Variants in FRMD4A observed in about 807,000 individuals in gnomAD.
FRMD4A encodes the protein FERM domain containing 4A.
FRMD4A carries 29 observed loss-of-function variants against 129.1 expected under a neutral mutation model. The ratio of observed to expected loss-of-function variants is 0.22; its 90% CI spans 0.17 to 0.31. The LOEUF is 0.31. Ranked by LOEUF, FRMD4A falls within the 10% of genes least tolerant of loss-of-function variation. The probability of loss-of-function intolerance (pLI) is 1.00; values close to 1 mark genes in which losing one functional copy is unlikely to be tolerated. For synonymous variants in FRMD4A, 634 were observed against 571.6 expected, an observed-to-expected ratio of 1.11 and a Z score of -1.56; for missense variants, 1,272 against 1,375.8, an observed-to-expected ratio of 0.92 and a Z score of 1.19.
At chr10:14,052,091 G>A (rs1834288467) in intron 2 of FRMD4A, among the ~76,000 whole-genome samples, 1 of 152,148 alleles carries the variant, frequency 6.6e-6, no homozygotes, top group African/African-American at 2.4e-5. Flanking sequence ...ATGGAAGCAG[G>A]GATGGCAGTG....
At position 13,654,366 on chromosome 10, in the gene FRMD4A, A is replaced by G. The variant is rs767348451; in HGVS notation, c.3050+50T>C. The stretch of plus-strand genomic sequence containing the variant: ...TTATGTCACCAGGATCTGAACGTCT[A>G]TGACACTCTTTCGAGCTGACACAGT... On this transcript the variant is annotated intron_variant, in intron 23 of 24. Coordinates refer to ENST00000357447, the MANE Select transcript of FRMD4A (RefSeq NM_018027.5). The G allele has an allele frequency of 1.7e-5, 20 of 1,157,548 alleles. No individual in the cohort carries two copies. In the South Asian group the frequency reaches 2.2e-4, roughly 13 times the overall value. 71.7% of individuals were successfully genotyped at this position (1,157,548 alleles called of 1,614,324 possible).
At chr10:13,679,919 AG>A (rs2084389218) in intron 15 of FRMD4A, among the ~76,000 whole-genome samples, 1 of 152,144 alleles carries the variant, frequency 6.6e-6, no homozygotes, top group East Asian at 1.9e-4. Context: ...GCGTCAGGAG[AG>A]GGAGCCCAAA....
chr10:14,168,894 T>G (rs1841329870), intron 2 of FRMD4A, among the ~76,000 whole-genome samples: 1 of 152,158 alleles, frequency 6.6e-6, no homozygotes. Context: ...TCACATTTCC[T>G]TTTCATTAAC....
At chr10:14,239,652 C>CAAAAAA (rs529527490) in intron 2 of FRMD4A, among the ~76,000 whole-genome samples, 2 of 149,882 alleles carry the variant, frequency 1.3e-5, no homozygotes, top group Non-Finnish European at 3.0e-5. Flanking sequence ...AACAAACAAA[C>CAAAAAA]AAAAAAAAAC....
chr10:14,266,489 ATGT>A (rs1263834545), intron 2 of FRMD4A, among the ~76,000 whole-genome samples: 3 of 133,600 alleles, frequency 2.2e-5, no homozygotes, highest in Admixed American at 1.6e-4. Flanking sequence ...TCCCTAGTAG[ATGT>A]TGTGCTCTGT....
intron 2 of FRMD4A, among the ~76,000 whole-genome samples, chr10:14,117,144 A>C (rs1384065737): frequency 2.0e-5 from 3 of 152,184 alleles, no homozygotes; most frequent in African/African-American, 7.2e-5. Flanking sequence ...TCCCCTACTA[A>C]AATCCTTGCA....
intron 13 of FRMD4A, among the ~76,000 whole-genome samples, chr10:13,703,473 G>A (rs1408123326): frequency 2.0e-5 from 3 of 152,138 alleles, no homozygotes; most frequent in East Asian, 1.9e-4. Context: ...TGAGCCCATC[G>A]GCCCAGAAAG....
At chr10:14,265,354 T>C (rs1844942290) in intron 2 of FRMD4A, among the ~76,000 whole-genome samples, 1 of 152,254 alleles carries the variant, frequency 6.6e-6, no homozygotes, top group Non-Finnish European at 1.5e-5. Context: ...TCCTTGGCTA[T>C]GTCTCTAGGA....
At chr10:14,127,061 G>T (rs1838883745) in intron 2 of FRMD4A, among the ~76,000 whole-genome samples, 2 of 152,172 alleles carry the variant, frequency 1.3e-5, no homozygotes, top group Admixed American at 1.3e-4. Flanking sequence ...GCAGCATCAT[G>T]TAATAAGGGA....
Position 14,123,244 on chromosome 10 carries a change from G to A in FRMD4A, c.45+206814C>T, listed in dbSNP as rs987153429. Among the ~76,000 whole-genome samples, 4 of 152,112 alleles carry A rather than the reference G, an allele frequency of 2.6e-5. No individual in the cohort carries two copies. The South Asian group carries it at 6.3e-4, about 24-fold the overall frequency. The stretch of plus-strand genomic sequence containing the variant: ...AACATTTCTTGTATATTGAGAGGCC[G>A]CGAGTTTGAGCCACTCCTGTTAGTT... On this transcript the variant is annotated intron_variant, in intron 2 of 24. Transcript: ENST00000357447.
At chr10:13,874,205 G>C (rs7907421) in intron 2 of FRMD4A, among the ~76,000 whole-genome samples, 145,169 of 145,386 alleles carry the variant, frequency 1, 72,478 homozygotes, top group Middle Eastern at 1. Context: ...GAGATTGCAC[G>C]ACTGCACTCC....
chr10:14,142,493 C>G (rs915338687), intron 2 of FRMD4A, among the ~76,000 whole-genome samples: 2 of 152,222 alleles, frequency 1.3e-5, no homozygotes, highest in African/African-American at 2.4e-5. Context: ...AAGCACTGAG[C>G]TACGCTTGCA....
intron 2 of FRMD4A, among the ~76,000 whole-genome samples, chr10:14,019,143 T>C (rs1832615936): frequency 6.6e-6 from 1 of 151,612 alleles, no homozygotes; most frequent in Non-Finnish European, 1.5e-5. Context: ...AAGAAGACAG[T>C]CACGCAAGAG....
intron 15 of FRMD4A, among the ~76,000 whole-genome samples, chr10:13,676,653 G>C (rs1271117995): frequency 6.6e-6 from 1 of 152,030 alleles, no homozygotes; most frequent in Non-Finnish European, 1.5e-5. Flanking sequence ...TGCATTCAAG[G>C]GGCTCACACC....
chr10:13,689,393 C>T (rs374200722), intron 15 of FRMD4A, among the ~76,000 whole-genome samples: 1 of 152,022 alleles, frequency 6.6e-6, no homozygotes. Flanking sequence ...GATACTACTG[C>T]AGGACACTGA....
At chr10:13,902,357 A>G (rs1270614759) in intron 2 of FRMD4A, among the ~76,000 whole-genome samples, 1 of 152,010 alleles carries the variant, frequency 6.6e-6, no homozygotes, top group African/African-American at 2.4e-5. Context: ...AAAGGTTAAC[A>G]TTTAGAAAGA....
intron 2 of FRMD4A, among the ~76,000 whole-genome samples, chr10:14,131,589 C>A (rs950976281): frequency 6.6e-6 from 1 of 152,184 alleles, no homozygotes; most frequent in African/African-American, 2.4e-5. Context: ...CCCCAACTCC[C>A]ATGACAAATG....
chr10:13,942,118 T>C (rs2095297089), intron 2 of FRMD4A, among the ~76,000 whole-genome samples: 1 of 152,140 alleles, frequency 6.6e-6, no homozygotes. Context: ...GGAGGTTTCT[T>C]TGTGATGGAG....
intron 12 of FRMD4A, among the ~76,000 whole-genome samples, chr10:13,737,639 C>T (rs1398864726): frequency 6.6e-6 from 1 of 151,898 alleles, no homozygotes; most frequent in Non-Finnish European, 1.5e-5. Flanking sequence ...GCTTAGATTT[C>T]CTTAGAGACA....
Sources: allele counts gnomAD v4.1 joint callset (sites outside exome capture counted in the v4.1 genomes callset), GRCh38; gene constraint gnomAD v4.1.1; transcripts MANE v1.5; gene names NCBI Gene and HGNC (gene_info 2026-07-23, HGNC 2026-07-21).